TBCD: variants seen among roughly 807,000 people sequenced by gnomAD.
TBCD encodes the protein tubulin-specific chaperone D.
TBCD carries 105 observed loss-of-function variants against 169.3 expected under a neutral mutation model. The ratio of observed to expected loss-of-function variants is 0.62; its 90% confidence interval spans 0.53 to 0.73. TBCD has a LOEUF of 0.73. Ranked by LOEUF, TBCD falls within the 30% of genes least tolerant of loss-of-function variation. TBCD has a pLI of 0.00. For synonymous variants in TBCD, 700 were observed against 643.9 expected, an observed-to-expected ratio of 1.09 and a Z score of -1.32; for missense variants, 1,444 against 1,600.1, an observed-to-expected ratio of 0.90 and a Z score of 1.66.
intron 13 of TBCD, among the ~76,000 whole-genome samples, chr17:82,825,019 C>T (rs774812986): frequency 3.3e-5 from 5 of 152,034 alleles, no homozygotes; most frequent in African/African-American, 4.8e-5. Flanking sequence ...ATCCTGGTTG[C>T]AATGGGTGAG....
At chr17:82,904,266 C>T (rs1183755728) in intron 19 of TBCD, among the ~76,000 whole-genome samples, 1 of 147,818 alleles carries the variant, frequency 6.8e-6, no homozygotes, top group Non-Finnish European at 1.5e-5. Context: ...ACTCCTTGGT[C>T]TCTAGGTGGC....
Position 82,921,541 on chromosome 17 carries a change from C to T in TBCD, c.2142C>T (p.Leu714=). 1 of 1,614,040 alleles carries T rather than the reference C, an allele frequency of 6.2e-7. No homozygotes were observed. The highest frequency in any genetic ancestry group is 1.3e-5 in the African/African-American group (1 of 75,062). The change falls in exon 25 of 39, where the codon CTC becomes CTT. Residue 714 remains leucine, a synonymous_variant. Transcript: ENST00000355528. ...TGATAAATGACACTTTGAGACATCT[C>T]CATCTCATCTCAAGTCACTCCCGCC... is the stretch of plus-strand genomic sequence containing the variant. ...QWLINDTLRH[L]HLISSHSRQQ... is the part of the protein sequence containing the mutation.
At chr17:82,772,748 C>T (rs779809696) in intron 6 of TBCD, among the ~76,000 whole-genome samples, 9 of 152,116 alleles carry the variant, frequency 5.9e-5, no homozygotes, top group Non-Finnish European at 1.2e-4. Context: ...ACAGGCCCAT[C>T]GACAGGAGTG....
intron 13 of TBCD, among the ~76,000 whole-genome samples, chr17:82,823,567 C>A (rs184861852): frequency 1.4e-5 from 2 of 146,590 alleles, no homozygotes; most frequent in African/African-American, 4.9e-5. Flanking sequence ...GGCATTTTGG[C>A]TGAACGTTAA....
At chr17:82,912,342 C>G (rs986453022) in intron 23 of TBCD, among the ~76,000 whole-genome samples, 2 of 152,214 alleles carry the variant, frequency 1.3e-5, no homozygotes, top group Admixed American at 6.5e-5. Context: ...TTAGGACAGT[C>G]GGGCATTTTT....
chr17:82,933,059 G>A (rs1056817337), intron 34 of TBCD, among the ~76,000 whole-genome samples: 1 of 152,098 alleles, frequency 6.6e-6, no homozygotes, highest in Non-Finnish European at 1.5e-5. Context: ...GAGCCGCAGG[G>A]CCTGAAGGGG....
chr17:82,855,993 CTTTTTTTTTTTT>C lies in TBCD; in HGVS notation c.1319-14217_1319-14206del, dbSNP rs60978063. On this transcript the variant is annotated intron_variant, in intron 13 of 38. Coordinates refer to ENST00000355528, the MANE Select transcript of TBCD (RefSeq NM_005993.5). ...TTTGTATGGGTAGACTCCCCCCCCA[CTTTTTTTTTTTT>C]TTTTTTTTTTTTTGTAGAGACAGGG... Among the ~76,000 whole-genome samples the C allele has an allele frequency of 1.1e-4, 7 of 66,274 alleles. No homozygotes were observed. In the East Asian group the frequency reaches 1.6e-3, roughly 15 times the overall value. The allele number at this position is 66,274 out of a possible 152,430, so 43.5% of individuals were successfully genotyped here. A position where few individuals can be genotyped will look rare whatever the true frequency, so the allele number is the denominator to read the frequency against.
chr17:82,875,699 A>C (rs1599127414), intron 14 of TBCD, among the ~76,000 whole-genome samples: 1 of 152,348 alleles, frequency 6.6e-6, no homozygotes, highest in East Asian at 1.9e-4. Flanking sequence ...CATTGCTCAG[A>C]GCTACGTCTT....
chr17:82,859,510 G>A (rs538658511), intron 13 of TBCD: 1 of 976,392 alleles, frequency 1.0e-6, no homozygotes, highest in East Asian at 1.1e-4. Flanking sequence ...CAGGGAGATT[G>A]GGCCTTGTGT....
chr17:82,884,080 G>A lies in TBCD; in HGVS notation c.1476-65G>A, dbSNP rs959066256. Reference sequence around the variant, plus strand: ...GTCGTGAGAGAAAGGCTTTCTCATCGATACTGTGTGGTCTGTACTGTTTTG... The same window carrying A: ...GTCGTGAGAGAAAGGCTTTCTCATCAATACTGTGTGGTCTGTACTGTTTTG... On this transcript the variant is annotated intron_variant, in intron 14 of 38. Transcript: ENST00000355528. The surrounding 1 kb of genome is among the most constrained non-coding windows in gnomAD (Gnocchi z 4.2). The A allele has an allele frequency of 1.4e-5, 20 of 1,467,070 alleles. No individual in the cohort carries two copies. Among genetic ancestry groups the A allele is most frequent in the African/African-American group, 2.8e-5 (2 of 71,276 alleles). 90.9% of individuals were successfully genotyped at this position (1,467,070 alleles called of 1,614,324 possible). A position where few individuals can be genotyped will look rare whatever the true frequency, so the allele number is the denominator to read the frequency against.
rs1353142846 is a variant in TBCD, at chr17:82,870,189, T to C, written c.1319-35T>C. The stretch of plus-strand genomic sequence containing the variant: ...AGCCTCACGTGTTGCCCGTGTGGTC[T>C]GCTCCTCACCGTCTTTTCTCTTGTC... On this transcript the variant is annotated intron_variant, in intron 13 of 38. Transcript: ENST00000355528. 5 of 1,611,300 alleles carry C rather than the reference T, an allele frequency of 3.1e-6. No individual in the cohort carries two copies. The Admixed American group carries it at 8.3e-5, about 27-fold the overall frequency.
intron 15 of TBCD, among the ~76,000 whole-genome samples, chr17:82,888,510 TAATG>T (rs1262887232): frequency 6.6e-6 from 1 of 152,256 alleles, no homozygotes; most frequent in Non-Finnish European, 1.5e-5. Flanking sequence ...CTTACTTTCC[TAATG>T]AATTTATCAC....
intron 23 of TBCD, among the ~76,000 whole-genome samples, chr17:82,914,349 G>T (rs1377202170): frequency 3.9e-5 from 6 of 152,292 alleles, no homozygotes; most frequent in Admixed American, 1.3e-4. Context: ...CCTGCCCTCT[G>T]CTCTGGGGCA....
chr17:82,915,509 T>C lies in TBCD; in HGVS notation c.2038+3720T>C, dbSNP rs991716215. On this transcript the variant is annotated intron_variant, in intron 23 of 38. Coordinates refer to ENST00000355528, the MANE Select transcript of TBCD (RefSeq NM_005993.5). The surrounding 1 kb of genome is among the most constrained non-coding windows in gnomAD (Gnocchi z 4.3). ...GTCTCCGTCTTAGTCTCAGTGGCTC[T>C]TGCATTTCATGCTTTAGAATCAAAG... Among the ~76,000 whole-genome samples the C allele has an allele frequency of 6.6e-6, 1 of 152,214 alleles. No homozygotes were observed. The highest frequency in any genetic ancestry group is 1.5e-5 in the Non-Finnish European group (1 of 68,040).
chr17:82,809,062 G>A (rs2051232688), intron 11 of TBCD, among the ~76,000 whole-genome samples: 1 of 152,040 alleles, frequency 6.6e-6, no homozygotes, highest in Non-Finnish European at 1.5e-5. Context: ...TCTGGGAGGA[G>A]CTCCACAGGG....
intron 5 of TBCD, among the ~76,000 whole-genome samples, chr17:82,770,971 C>T (rs2048278757): frequency 6.6e-6 from 1 of 150,384 alleles, no homozygotes; most frequent in Admixed American, 6.6e-5. Flanking sequence ...TTGCTTGAAC[C>T]CGGGAAGCAG....
At chr17:82,891,360 G>T (rs2059124352) in intron 16 of TBCD, among the ~76,000 whole-genome samples, 1 of 152,256 alleles carries the variant, frequency 6.6e-6, no homozygotes, top group African/African-American at 2.4e-5. Context: ...CCTCAGTCCT[G>T]AGCCTGAGCA....
intron 13 of TBCD, among the ~76,000 whole-genome samples, chr17:82,856,545 G>C (rs1002304282): frequency 6.6e-6 from 1 of 152,156 alleles, no homozygotes; most frequent in East Asian, 1.9e-4. Context: ...GTGGCCTTTC[G>C]TAGATGATGA....
chr17:82,873,567 C>G (rs558160668), intron 14 of TBCD, among the ~76,000 whole-genome samples: 1 of 152,112 alleles, frequency 6.6e-6, no homozygotes, highest in Non-Finnish European at 1.5e-5. Flanking sequence ...CAGCTGGGGC[C>G]GGAGAGAAAA....
Sources: allele counts gnomAD v4.1 joint callset (sites outside exome capture counted in the v4.1 genomes callset), GRCh38; gene constraint gnomAD v4.1.1; non-coding constraint Gnocchi (gnomAD v3.1); transcripts MANE v1.5; gene names NCBI Gene and HGNC (gene_info 2026-07-23, HGNC 2026-07-21).